The following ITGA8 variants were observed in gnomAD, a reference collection of about 807,000 sequenced individuals.
ITGA8 encodes integrin alpha-8.
In ITGA8, 91 loss-of-function variants were observed where a neutral mutation model predicts 142.3. The observed-to-expected ratio is 0.64, with a 90% confidence interval of 0.54 to 0.76. ITGA8 has a LOEUF of 0.76. Ranked by LOEUF, ITGA8 falls within the 30% of genes least tolerant of loss-of-function variation. ITGA8 has a pLI of 0.00. For missense variants in ITGA8, 1,406 were observed against 1,327.7 expected (o/e 1.06, Z -0.92); for synonymous variants, 505 against 485.2 (o/e 1.04, Z -0.54).
intron 2 of ITGA8, among the ~76,000 whole-genome samples, chr10:15,690,502 T>C (rs1364853574): frequency 1.3e-5 from 2 of 151,974 alleles, no homozygotes; most frequent in Non-Finnish European, 2.9e-5. Context: ...TACCCACACC[T>C]GAAGAGTGAA....
chr10:15,552,953 A>G (rs1833818300), intron 26 of ITGA8, among the ~76,000 whole-genome samples: 1 of 152,228 alleles, frequency 6.6e-6, no homozygotes, highest in Non-Finnish European at 1.5e-5. Context: ...TAAACATTAC[A>G]GTGTCATAAA....
chr10:15,686,444 C>T (rs1834834097), intron 3 of ITGA8, among the ~76,000 whole-genome samples: 1 of 152,218 alleles, frequency 6.6e-6, no homozygotes, highest in Admixed American at 6.5e-5. Context: ...GCCTCACCTT[C>T]TGTTTCATCA....
In ITGA8 at chr10:15,660,848, C is replaced by T. The variant is rs76492903; in HGVS notation, c.891+31G>A. ...AAGGAGCACCTATACAAGAAAATAC[C>T]CTATTCCTGTAATGCATTCTCAGTA... On this transcript the variant is annotated intron_variant, in intron 9 of 29. Transcript: ENST00000378076. The T allele has an allele frequency of 8.2e-4, 1,293 of 1,573,450 alleles. 9 individuals are homozygous for T. In the East Asian group the frequency reaches 0.019, roughly 23 times the overall value.
intron 25 of ITGA8, among the ~76,000 whole-genome samples, chr10:15,570,534 C>T (rs968574348): frequency 7.0e-6 from 1 of 142,756 alleles, no homozygotes; most frequent in Non-Finnish European, 1.5e-5. Context: ...TGCTTGAACA[C>T]AGGAAGTGGA....
chr10:15,555,085 G>C (rs749002858), intron 26 of ITGA8, among the ~76,000 whole-genome samples: 2 of 152,252 alleles, frequency 1.3e-5, no homozygotes, highest in South Asian at 2.1e-4. Flanking sequence ...AGCAGTTCTA[G>C]TCCCCAAAGC....
chr10:15,658,856 G>T (rs1392324639), intron 10 of ITGA8, 143 bp downstream of exon 10: 2 of 598,866 alleles, frequency 3.3e-6, no homozygotes, highest in East Asian at 6.8e-5. Flanking sequence ...ATGCATGATT[G>T]CATCCCCGGT....
At chr10:15,549,201 G>GTTTTGTTTTTTTTTTTTTTTTT (rs1833741165) in intron 26 of ITGA8, among the ~76,000 whole-genome samples, 1 of 107,342 alleles carries the variant, frequency 9.3e-6, no homozygotes, top group Non-Finnish European at 1.7e-5. Context: ...TTTCTTTTCT[G>GTTTTGTTTTTTTTTTTTTTTTT]TTTTTTTTTT....
At chr10:15,634,396 A>T (rs981229330) in intron 13 of ITGA8, among the ~76,000 whole-genome samples, 1 of 152,026 alleles carries the variant, frequency 6.6e-6, no homozygotes, top group Non-Finnish European at 1.5e-5. Context: ...CCAAAACCCA[A>T]CTTTAAAGGA....
chr10:15,651,372 A>C (rs1433058695), intron 11 of ITGA8, among the ~76,000 whole-genome samples: 1 of 152,144 alleles, frequency 6.6e-6, no homozygotes, highest in East Asian at 1.9e-4. Context: ...ATATTTTCAA[A>C]ACTGTCACAG....
intron 13 of ITGA8, among the ~76,000 whole-genome samples, chr10:15,617,493 G>T (rs375627071): frequency 6.6e-6 from 1 of 151,998 alleles, no homozygotes; most frequent in East Asian, 1.9e-4. Flanking sequence ...CCATCTTCAG[G>T]GTTCAAGTGA....
intron 27 of ITGA8, among the ~76,000 whole-genome samples, chr10:15,533,413 G>C (rs1399024977): frequency 1.3e-5 from 2 of 152,052 alleles, no homozygotes; most frequent in Non-Finnish European, 2.9e-5. Flanking sequence ...GTTTGAGAAG[G>C]GTTTTTATAC....
intron 20 of ITGA8, 48 bp from the exon 21 acceptor site, chr10:15,597,347 C>T (rs375699502): frequency 1.0e-5 from 15 of 1,486,796 alleles, no homozygotes; most frequent in Middle Eastern, 3.4e-4. Context: ...TAAATGACAT[C>T]CTGACACAAA....
At position 15,562,662 on chromosome 10, in the gene ITGA8, G is replaced by A. The variant is rs116448817; in HGVS notation, c.2638-4460C>T. Among the ~76,000 whole-genome samples the A allele has an allele frequency of 7.9e-3, 1,201 of 152,278 alleles. 16 individuals carry two copies. The highest frequency in any genetic ancestry group is 0.027 in the African/African-American group (1,132 of 41,546). Reference sequence around the variant, plus strand: ...GAATTGGAGGAGAAAGGAAAGTTGAGTCGAATGTCTTGGAGGCAGGGTAGC... The same window carrying A: ...GAATTGGAGGAGAAAGGAAAGTTGAATCGAATGTCTTGGAGGCAGGGTAGC... On this transcript the variant is annotated intron_variant, in intron 25 of 29. Coordinates refer to ENST00000378076, the MANE Select transcript of ITGA8 (RefSeq NM_003638.3).
intron 4 of ITGA8, 52 bp from the exon 5 acceptor site, chr10:15,678,835 T>C: frequency 8.5e-7 from 1 of 1,181,368 alleles, no homozygotes; most frequent in Non-Finnish European, 1.2e-6. Flanking sequence ...CCTGAAATAT[T>C]TTTTAATAAC....
At chr10:15,684,944 G>T (rs563495234) in intron 3 of ITGA8, among the ~76,000 whole-genome samples, 1 of 152,152 alleles carries the variant, frequency 6.6e-6, no homozygotes. Flanking sequence ...CACGGAAGCC[G>T]CATCTTATGA....
chr10:15,665,749 C>G (rs568853280), intron 8 of ITGA8, among the ~76,000 whole-genome samples: 45 of 152,306 alleles, frequency 3.0e-4, no homozygotes, highest in Admixed American at 9.8e-4. Flanking sequence ...AGCCAGTTTT[C>G]CCAGCACCAT....
intron 2 of ITGA8, among the ~76,000 whole-genome samples, chr10:15,703,081 A>G (rs1312236527): frequency 2.0e-5 from 3 of 152,256 alleles, no homozygotes; most frequent in African/African-American, 4.8e-5. Flanking sequence ...ATTAAGTTTC[A>G]TATATAATCG....
In ITGA8 at chr10:15,555,845, A is replaced by G. The variant is rs571892052; in HGVS notation, c.2766+2229T>C. Reference sequence around the variant, plus strand: ...CGAGGAGCTGGGACTACAGGCACCCACCACCACGCCCGGATAATTTTTTTT... The same window carrying G: ...CGAGGAGCTGGGACTACAGGCACCCGCCACCACGCCCGGATAATTTTTTTT... On this transcript the variant is annotated intron_variant, in intron 26 of 29. Coordinates refer to ENST00000378076, the MANE Select transcript of ITGA8 (RefSeq NM_003638.3). Among the ~76,000 whole-genome samples, 403 of 150,930 alleles carry G rather than the reference A, an allele frequency of 2.7e-3. 1 individual carries two copies. In the Middle Eastern group the frequency reaches 0.031, roughly 12 times the overall value.
At chr10:15,517,857 G>T (rs191813885) in intron 29 of ITGA8, among the ~76,000 whole-genome samples, 1 of 152,350 alleles carries the variant, frequency 6.6e-6, no homozygotes, top group East Asian at 1.9e-4. Context: ...TGAGATCACA[G>T]CAATGTGTCC....
Sources: gnomAD v4.1 joint callset for allele counts (sites outside exome capture counted in the v4.1 genomes callset) on GRCh38, gnomAD v4.1.1 for gene constraint, MANE v1.5 for transcripts, NCBI Gene and HGNC (gene_info 2026-07-23, HGNC 2026-07-21) for gene names.